Variants in PEBP1 observed in about 807,000 individuals in gnomAD.
PEBP1 encodes phosphatidylethanolamine-binding protein 1.
In PEBP1, 17 loss-of-function variants were observed where a neutral mutation model predicts 22.7. The observed-to-expected ratio is 0.75, with a 90% CI of 0.51 to 1.12. The LOEUF (loss-of-function observed/expected upper bound fraction) is 1.12. PEBP1 is among the 50% of genes most tolerant of loss of function. The pLI, the probability that PEBP1 is intolerant of heterozygous loss-of-function variation, is 0.00. For synonymous variants in PEBP1, 106 were observed against 104.3 expected, an observed-to-expected ratio of 1.02 and a Z score of -0.10; for missense variants, 205 against 243.5, an observed-to-expected ratio of 0.84 and a Z score of 1.05.
intron 3 of PEBP1, among the ~76,000 whole-genome samples, chr12:118,141,337 G>A (rs1262107351): frequency 6.6e-6 from 1 of 151,932 alleles, no homozygotes; most frequent in African/African-American, 2.4e-5. Flanking sequence ...GGCTGGTCTC[G>A]AACTTCTGAC....
chr12:118,145,099 A>G lies in PEBP1; in HGVS notation c.*296A>G, dbSNP rs1316329198. The G allele has an allele frequency of 9.8e-7, 1 of 1,022,004 alleles. No homozygotes were observed. Among genetic ancestry groups the G allele is most frequent in the Non-Finnish European group, 1.4e-6 (1 of 737,692 alleles). The allele number at this position is 1,022,004 out of a possible 1,614,324, so 63.3% of individuals were successfully genotyped here. ...TAGCAACCCAGAATGTAAAAAAGAA[A>G]AAACTGGGGGGAAAAAGACCAGGTC... On this transcript the variant is annotated 3_prime_UTR_variant, in exon 4 of 4. Transcript: ENST00000261313.
chr12:118,143,573 G>C (rs2034131299), intron 3 of PEBP1, among the ~76,000 whole-genome samples: 2 of 152,120 alleles, frequency 1.3e-5, no homozygotes, highest in African/African-American at 2.4e-5. Flanking sequence ...TTGAACATGG[G>C]TGTGCAAATA....
At chr12:118,142,666 G>A (rs1006789676) in intron 3 of PEBP1, among the ~76,000 whole-genome samples, 12 of 151,434 alleles carry the variant, frequency 7.9e-5, no homozygotes, top group African/African-American at 2.4e-4. Flanking sequence ...TAGTAGAGAC[G>A]GGGTTTCACC....
chr12:118,138,090 C>T lies in PEBP1; in HGVS notation c.187C>T (p.Leu63Phe). ...ISWDGLDSGK[L>F]YTLVLTDPDA... ...GTGGGATGGTCTTGATTCAGGGAAG[C>T]TCTACACCTTGGTCCTGACAGACCC... is the stretch of plus-strand genomic sequence containing the variant. Residue 63 changes from leucine (L) to phenylalanine (F), a missense_variant, in exon 2 of 4, where the codon CTC (leucine) becomes TTC (phenylalanine). Physicochemically the swap from Leu to Phe is conservative, Grantham distance 22 (BLOSUM62 0). Coordinates refer to ENST00000261313, the MANE Select transcript of PEBP1 (RefSeq NM_002567.4). 6.2e-7 allele frequency: 1 copy of T among 1,613,348 alleles called. No individual in the cohort carries two copies. Among genetic ancestry groups the T allele is most frequent in the Non-Finnish European group, 8.5e-7 (1 of 1,179,734 alleles).
chr12:118,142,834 T>G (rs1254562657), intron 3 of PEBP1, among the ~76,000 whole-genome samples: 8 of 38,586 alleles, frequency 2.1e-4, no homozygotes, highest in East Asian at 1.4e-3. Context: ...CACTTTTTTT[T>G]TTTTTTTTTT....
Position 118,136,396 on chromosome 12 carries a change from C to T in PEBP1, c.135+52C>T, listed in dbSNP as rs1220231772. On this transcript the variant is annotated intron_variant, in intron 1 of 3. Transcript: ENST00000261313. This position sits in a 1 kb window ranked among gnomAD's most constrained non-coding sequence, Gnocchi z 5.6. Reference sequence around the variant, plus strand: ...AGCGGCACGGCGCGGAGGCCTGTGCCGGCCTCCTGGGTGGGACCCAGCGGA... The same window carrying T: ...AGCGGCACGGCGCGGAGGCCTGTGCTGGCCTCCTGGGTGGGACCCAGCGGA... The T allele has an allele frequency of 7.3e-6, 11 of 1,506,030 alleles. No homozygotes were observed. The highest frequency in any genetic ancestry group is 1.3e-5 in the South Asian group (1 of 78,744). 93.3% of individuals were successfully genotyped at this position (1,506,030 alleles called of 1,614,324 possible).
chr12:118,140,688 G>A (rs746316995), intron 3 of PEBP1, among the ~76,000 whole-genome samples: 2 of 151,884 alleles, frequency 1.3e-5, no homozygotes, highest in Non-Finnish European at 2.9e-5. Context: ...ACAGGTGTCC[G>A]CCACCATGCC....
At chr12:118,142,126 T>C (rs558447151) in intron 3 of PEBP1, among the ~76,000 whole-genome samples, 1 of 150,522 alleles carries the variant, frequency 6.6e-6, no homozygotes, top group South Asian at 2.1e-4. Flanking sequence ...ATGAGATACC[T>C]AAAGTAGCCA....
Position 118,136,279 on chromosome 12 carries a change from C to G in PEBP1, c.70C>G (p.Pro24Ala), listed in dbSNP as rs912959165. The G allele has an allele frequency of 6.5e-7, 1 of 1,547,008 alleles. No homozygotes were observed. The highest frequency in any genetic ancestry group is 1.4e-5 in the African/African-American group (1 of 72,900). Residue 24 changes from proline (P) to alanine (A), a missense_variant, in exon 1 of 4, where the codon CCG (proline) becomes GCG (alanine). Coordinates refer to ENST00000261313, the MANE Select transcript of PEBP1 (RefSeq NM_002567.4). The surrounding 1 kb of genome is among the most constrained non-coding windows in gnomAD (Gnocchi z 5.6). ...LQEVDEQPQH[P>A]LHVTYAGAAV... ...AGAAGTGGACGAGCAGCCGCAGCAC[C>G]CGCTGCATGTCACCTACGCCGGGGC...
At position 118,139,521 on chromosome 12, in the gene PEBP1, T is replaced by A; in HGVS notation, c.316T>A (p.Tyr106Asn). ...DISSGTVLSD[Y>N]VGSGPPKGTG... Reference sequence around the variant, plus strand: ...CAGCAGTGGCACAGTCCTCTCCGATTATGTGGGCTCGGGGCCTCCCAAGGG... The same window carrying A: ...CAGCAGTGGCACAGTCCTCTCCGATAATGTGGGCTCGGGGCCTCCCAAGGG... Residue 106 changes from tyrosine to asparagine, a missense_variant, in exon 3 of 4, where the codon TAT becomes AAT. Transcript: ENST00000261313. 1.2e-6 allele frequency: 2 copies of A among 1,613,368 alleles called. No homozygotes were observed. The highest frequency in any genetic ancestry group is 2.2e-5 in the South Asian group (2 of 90,980).
chr12:118,144,868 C>T lies in PEBP1; in HGVS notation c.*65C>T. 2 of 1,608,728 alleles carry T rather than the reference C, an allele frequency of 1.2e-6. No homozygotes were observed. Among genetic ancestry groups the T allele is most frequent in the Admixed American group, 3.3e-5 (2 of 59,898 alleles). On this transcript the variant is annotated 3_prime_UTR_variant, in exon 4 of 4. Transcript: ENST00000261313. ...AGCCATGTTCCCCAGTTCAGTGTTG[C>T]ATGTATAATAGATTTCTCCTCTTCC...
intron 3 of PEBP1, among the ~76,000 whole-genome samples, chr12:118,144,028 T>C (rs904662): frequency 0.65 from 98,584 of 152,104 alleles, 32,246 homozygotes; most frequent in South Asian, 0.75. Flanking sequence ...CACTTCGAAG[T>C]AGTCCTCCAG....
Position 118,136,293 on chromosome 12 carries a change from C to T in PEBP1, c.84C>T (p.Thr28=), listed in dbSNP as rs1293873306. Residue 28 remains threonine, a synonymous_variant, in exon 1 of 4, where the codon ACC becomes ACT. Coordinates refer to ENST00000261313, the MANE Select transcript of PEBP1 (RefSeq NM_002567.4). The surrounding 1 kb of genome is among the most constrained non-coding windows in gnomAD (Gnocchi z 5.6). ...AGCCGCAGCACCCGCTGCATGTCAC[C>T]TACGCCGGGGCGGCGGTGGACGAGC... is the stretch of plus-strand genomic sequence containing the variant. ...DEQPQHPLHV[T]YAGAAVDELG... is the part of the protein sequence containing the mutation. 1.3e-6 allele frequency: 2 copies of T among 1,546,632 alleles called. No individual in the cohort carries two copies. The highest frequency in any genetic ancestry group is 4.9e-5 in the East Asian group (2 of 40,888).
Position 118,136,361 on chromosome 12 carries a change from G to A in PEBP1, c.135+17G>A, listed in dbSNP as rs1166052689. The A allele has an allele frequency of 6.5e-7, 1 of 1,535,652 alleles. No individual in the cohort carries two copies. Among genetic ancestry groups the A allele is most frequent in the African/African-American group, 1.4e-5 (1 of 72,720 alleles). On this transcript the variant is annotated intron_variant, in intron 1 of 3. Transcript: ENST00000261313. The surrounding 1 kb of genome is among the most constrained non-coding windows in gnomAD (Gnocchi z 5.6). Reference sequence around the variant, plus strand: ...CCCACCCAGGTACACCGGGCGGCGGGCGTGCAGCGAGCGGCACGGCGCGGA... The same window carrying A: ...CCCACCCAGGTACACCGGGCGGCGGACGTGCAGCGAGCGGCACGGCGCGGA...
At chr12:118,137,723 T>C (rs1438459089) in intron 1 of PEBP1, among the ~76,000 whole-genome samples, 1 of 152,146 alleles carries the variant, frequency 6.6e-6, no homozygotes, top group Non-Finnish European at 1.5e-5. Context: ...AGTCTCACTC[T>C]GTCGCCCAGG....
chr12:118,137,928 C>G, intron 1 of PEBP1, 111 bp from the exon 2 acceptor site: 1 of 708,112 alleles, frequency 1.4e-6, no homozygotes, highest in Non-Finnish European at 2.5e-6. Flanking sequence ...CTCAAGTGAT[C>G]CTCTCTCCTA....
intron 3 of PEBP1, among the ~76,000 whole-genome samples, chr12:118,141,121 T>C (rs1386394718): frequency 1.4e-4 from 20 of 143,156 alleles, no homozygotes; most frequent in Non-Finnish European, 2.0e-4. Flanking sequence ...TTCACTATTC[T>C]TTTTTTTTTT....
intron 3 of PEBP1, among the ~76,000 whole-genome samples, chr12:118,141,962 T>C (rs1388340278): frequency 6.6e-6 from 1 of 152,146 alleles, no homozygotes; most frequent in East Asian, 1.9e-4. Flanking sequence ...TATCCAAATA[T>C]TATCCAGTCT....
At chr12:118,138,692 G>A (rs80232694) in intron 2 of PEBP1, among the ~76,000 whole-genome samples, 6 of 152,030 alleles carry the variant, frequency 3.9e-5, no homozygotes, top group African/African-American at 7.2e-5. Flanking sequence ...CACTATGCCC[G>A]GCCTGGTTTT....
Sources: allele counts gnomAD v4.1 joint callset (sites outside exome capture counted in the v4.1 genomes callset), GRCh38; gene constraint gnomAD v4.1.1; non-coding constraint Gnocchi (gnomAD v3.1); transcripts MANE v1.5; gene names NCBI Gene and HGNC (gene_info 2026-07-23, HGNC 2026-07-21).